The following RXRG variants were observed in gnomAD, a reference collection of about 807,000 sequenced individuals.
RXRG encodes retinoid X receptor gamma.
RXRG carries 19 observed loss-of-function variants against 49.2 expected under a neutral mutation model. The ratio of observed to expected loss-of-function variants is 0.39; its 90% CI spans 0.27 to 0.57. The LOEUF (loss-of-function observed/expected upper bound fraction) is 0.57, where lower values mean the gene tolerates loss of function less well. Among genes scored for constraint, RXRG ranks in the 20% least tolerant of loss-of-function variants. RXRG has a pLI of 0.64. For synonymous variants in RXRG, 224 were observed against 216.6 expected (o/e 1.03, Z -0.30); for missense variants, 452 against 592.5 (o/e 0.76, Z 2.46).
chr1:165,428,697 C>T (rs745916177), intron 2 of RXRG, 22 bp downstream of exon 2: 2 of 1,566,548 alleles, frequency 1.3e-6, no homozygotes, highest in South Asian at 1.2e-5. Flanking sequence ...CTGGAAAGGC[C>T]TTGGAGAGGA....
chr1:165,433,029 A>G (rs943416239), intron 1 of RXRG, among the ~76,000 whole-genome samples: 9 of 152,174 alleles, frequency 5.9e-5, no homozygotes, highest in African/African-American at 1.9e-4. Context: ...TAATGCACTT[A>G]TAAGAGAGGA....
intron 4 of RXRG, among the ~76,000 whole-genome samples, chr1:165,413,465 A>G (rs1318725905): frequency 2.6e-5 from 4 of 152,146 alleles, no homozygotes; most frequent in Admixed American, 6.6e-5. Flanking sequence ...AACTAGTAAC[A>G]TATCTGAGGG....
intron 2 of RXRG, among the ~76,000 whole-genome samples, chr1:165,427,998 G>GA (rs796844415): frequency 1.4e-4 from 21 of 152,278 alleles, no homozygotes; most frequent in African/African-American, 5.1e-4. Context: ...AGTGTTTGGG[G>GA]ATTTTTGTTA....
In RXRG at chr1:165,436,033, A is replaced by G. The variant is rs190929365; in HGVS notation, c.50-7067T>C. On this transcript the variant is annotated intron_variant, in intron 1 of 9. Transcript: ENST00000359842. The stretch of plus-strand genomic sequence containing the variant: ...CTGGAGAAGTTTTATTATCATTACC[A>G]TTTCTGATTGCTCTTCAGTTAGCAG... Among the ~76,000 whole-genome samples the G allele has an allele frequency of 5.9e-5, 9 of 152,260 alleles. No individual in the cohort carries two copies. In the East Asian group the frequency reaches 1.2e-3, roughly 20 times the overall value.
chr1:165,440,516 A>G (rs1658950516), intron 1 of RXRG, among the ~76,000 whole-genome samples: 3 of 152,200 alleles, frequency 2.0e-5, no homozygotes, highest in African/African-American at 2.4e-5. Context: ...TCCTTTGAGC[A>G]TCATTTTGGC....
intron 9 of RXRG, among the ~76,000 whole-genome samples, chr1:165,402,093 T>TTC (rs763777522): frequency 1.3e-5 from 2 of 151,930 alleles, no homozygotes; most frequent in Non-Finnish European, 2.9e-5. Context: ...TTACCAATTT[T>TTC]TTTTTTTTGA....
At chr1:165,431,109 C>G (rs572278940) in intron 1 of RXRG, among the ~76,000 whole-genome samples, 143 of 152,338 alleles carry the variant, frequency 9.4e-4, no homozygotes, top group African/African-American at 3.4e-3. Flanking sequence ...TTCTCCATCT[C>G]TATCAGATTA....
intron 1 of RXRG, among the ~76,000 whole-genome samples, chr1:165,436,231 T>C (rs969791150): frequency 1.3e-5 from 2 of 152,162 alleles, no homozygotes; most frequent in African/African-American, 4.8e-5. Flanking sequence ...CTGTGGCTGT[T>C]TGTGGTCTTC....
At chr1:165,411,261 A>G (rs1314310757) in intron 4 of RXRG, 152 bp from the exon 5 acceptor site, 1 of 800,256 alleles carries the variant, frequency 1.2e-6, no homozygotes, top group Admixed American at 2.9e-5. Flanking sequence ...CAGATGAAAC[A>G]AGGAAAGCAA....
At chr1:165,442,588 T>C (rs1171272263) in intron 1 of RXRG, among the ~76,000 whole-genome samples, 1 of 152,148 alleles carries the variant, frequency 6.6e-6, no homozygotes, top group Non-Finnish European at 1.5e-5. Flanking sequence ...AATATGAGGG[T>C]CTTTGTGGAT....
rs55901710 is a variant in RXRG, at chr1:165,400,975, G to A, written c.*288C>T. On this transcript the variant is annotated 3_prime_UTR_variant, in exon 10 of 10. Transcript: ENST00000359842. ...CTCATTTGTTTGCTTTCCAGGGCAA[G>A]TGAAAAAATAATTTAAACCAATTGT... 42,467 of 287,358 alleles carry A rather than the reference G, an allele frequency of 0.15. 3,891 individuals are homozygous for A. The highest frequency in any genetic ancestry group is 0.2 in the Middle Eastern group (199 of 998). 17.8% of individuals were successfully genotyped at this position (287,358 alleles called of 1,614,324 possible). A position where few individuals can be genotyped will look rare whatever the true frequency, so the allele number is the denominator to read the frequency against.
At position 165,445,114 on chromosome 1, in the gene RXRG, G is replaced by A. The variant is rs1571295781; in HGVS notation, c.-221C>T. ...ATAGTGCGTTTGAGACGGCTGTGGC[G>A]GCAGCAGCTGGTGCCTGTCAGTAAT... On this transcript the variant is annotated 5_prime_UTR_variant, in exon 1 of 10. Transcript: ENST00000359842. 3.5e-6 allele frequency: 2 copies of A among 570,890 alleles called. No individual in the cohort carries two copies. Among genetic ancestry groups the A allele is most frequent in the South Asian group, 2.3e-5 (1 of 43,022 alleles). 35.4% of individuals were successfully genotyped at this position (570,890 alleles called of 1,614,324 possible). A position where few individuals can be genotyped will look rare whatever the true frequency, so the allele number is the denominator to read the frequency against.
At chr1:165,438,559 G>T (rs1024128974) in intron 1 of RXRG, among the ~76,000 whole-genome samples, 1 of 152,146 alleles carries the variant, frequency 6.6e-6, no homozygotes, top group Non-Finnish European at 1.5e-5. Context: ...CCAATGATTG[G>T]TATGGAAATA....
intron 5 of RXRG, 21 bp downstream of exon 5, chr1:165,410,926 CAT>C (rs1425229460): frequency 3.1e-6 from 5 of 1,613,692 alleles, no homozygotes; most frequent in African/African-American, 1.3e-5. Context: ...ATGGAACACA[CAT>C]GTGTGTCTAA....
intron 4 of RXRG, 36 bp from the exon 5 acceptor site, chr1:165,411,145 T>G (rs1439044078): frequency 6.2e-7 from 1 of 1,600,176 alleles, no homozygotes; most frequent in East Asian, 2.2e-5. Context: ...GTTACCATAA[T>G]GCCCAGGACA....
At chr1:165,434,474 G>T (rs1293107615) in intron 1 of RXRG, among the ~76,000 whole-genome samples, 1 of 152,232 alleles carries the variant, frequency 6.6e-6, no homozygotes, top group Non-Finnish European at 1.5e-5. Flanking sequence ...GGAGCAAATG[G>T]CCTGGTGTTT....
At chr1:165,417,722 G>A (rs1571274036) in intron 3 of RXRG, among the ~76,000 whole-genome samples, 1 of 152,120 alleles carries the variant, frequency 6.6e-6, no homozygotes. Context: ...GAATTGTTAA[G>A]TGCTATTGAC....
intron 1 of RXRG, among the ~76,000 whole-genome samples, chr1:165,441,153 G>A (rs1051699206): frequency 2.6e-5 from 4 of 152,210 alleles, no homozygotes; most frequent in African/African-American, 9.6e-5. Context: ...TACATGAATG[G>A]TCAGGGTCAG....
chr1:165,411,809 G>A (rs1408127101), intron 4 of RXRG, among the ~76,000 whole-genome samples: 1 of 152,154 alleles, frequency 6.6e-6, no homozygotes, highest in African/African-American at 2.4e-5. Context: ...GCAACTCTCA[G>A]AACCCTCCAT....
Sources: allele counts gnomAD v4.1 joint callset (sites outside exome capture counted in the v4.1 genomes callset), GRCh38; gene constraint gnomAD v4.1.1; transcripts MANE v1.5; gene names NCBI Gene and HGNC (gene_info 2026-07-23, HGNC 2026-07-21).